The following MBNL2 variants were observed in gnomAD, a reference collection of about 807,000 sequenced individuals.
MBNL2 encodes the protein muscleblind like splicing regulator 2, also known as muscleblind-like protein 2.
A neutral mutation model predicts 41.9 loss-of-function variants in MBNL2; 17 were observed. The ratio of observed to expected loss-of-function variants is 0.41; its 90% CI spans 0.28 to 0.61. The LOEUF (loss-of-function observed/expected upper bound fraction) is 0.61, where lower values mean the gene tolerates loss of function less well. Ranked by LOEUF, MBNL2 falls within the 20% of genes least tolerant of loss-of-function variation. MBNL2 has a pLI of 0.35. For missense variants in MBNL2, 336 were observed against 505.6 expected, an observed-to-expected ratio of 0.66 and a Z score of 3.22; for synonymous variants, 195 against 182.9, an observed-to-expected ratio of 1.07 and a Z score of -0.53.
intron 2 of MBNL2, among the ~76,000 whole-genome samples, chr13:97,287,721 CTTTTTTTTT>C (rs768809008): frequency 8.7e-6 from 1 of 114,938 alleles, no homozygotes; most frequent in Non-Finnish European, 1.7e-5. Flanking sequence ...CTTTTCTTTT[CTTTTTTTTT>C]TTTTTTTTTT....
At chr13:97,179,377 C>T in the MBNL2 span, 1 of 152,198 alleles carries the variant, frequency 6.6e-6, no homozygotes, top group Non-Finnish European at 1.5e-5. Flanking sequence ...TTCATTTCTT[C>T]ACACCTCCTC....
intron 1 of MBNL2, among the ~76,000 whole-genome samples, chr13:97,240,564 T>C (rs78911418): frequency 6.6e-6 from 1 of 152,192 alleles, no homozygotes; most frequent in African/African-American, 2.4e-5. Flanking sequence ...AGCAGGGGCT[T>C]TGACATGACT....
At chr13:97,217,938 G>A (rs1401641643), upstream of MBNL2, among the ~76,000 whole-genome samples, 2 of 152,146 alleles carry the variant, frequency 1.3e-5, no homozygotes, top group Non-Finnish European at 2.9e-5. Flanking sequence ...CAGGGTGTGG[G>A]ACCATTTGGT....
chr13:97,230,256 C>G (rs748801487), intron 1 of MBNL2, among the ~76,000 whole-genome samples: 1 of 152,134 alleles, frequency 6.6e-6, no homozygotes, highest in Non-Finnish European at 1.5e-5. Flanking sequence ...TGAGGTCACG[C>G]CATTGCAGAA....
At chr13:97,241,160 C>G (rs544526300) in intron 1 of MBNL2, among the ~76,000 whole-genome samples, 1 of 152,172 alleles carries the variant, frequency 6.6e-6, no homozygotes, top group Non-Finnish European at 1.5e-5. Context: ...GAACTGAAGT[C>G]CCCTTCCTTC....
chr13:97,276,212 A>G lies in MBNL2; in HGVS notation c.-24A>G. ...TTGATTTCATCATTTAACAGAAACA[A>G]ACAGCCCAAATTACTTTATCACCAT... On this transcript the variant is annotated 5_prime_UTR_variant, in exon 2 of 9. Coordinates refer to ENST00000679496, the MANE Select transcript of MBNL2 (RefSeq NM_001382683.1). The G allele has an allele frequency of 3.8e-6, 6 of 1,597,470 alleles. No homozygotes were observed. Among genetic ancestry groups the G allele is most frequent in the Non-Finnish European group, 5.1e-6 (6 of 1,167,666 alleles).
At chr13:97,199,840 C>G in the MBNL2 span, among the ~76,000 whole-genome samples, 3 of 152,186 alleles carry the variant, frequency 2.0e-5, no homozygotes, top group Non-Finnish European at 2.9e-5. Flanking sequence ...AAGGTTTGAT[C>G]AAGAAGCAGA....
At chr13:97,313,601 T>C (rs2058788580) in intron 2 of MBNL2, among the ~76,000 whole-genome samples, 1 of 152,222 alleles carries the variant, frequency 6.6e-6, no homozygotes, top group Non-Finnish European at 1.5e-5. Context: ...TGGAGGAGCA[T>C]TTTCAGCCTG....
chr13:97,204,456 G>A, the MBNL2 span, among the ~76,000 whole-genome samples: 1 of 152,138 alleles, frequency 6.6e-6, no homozygotes, highest in Non-Finnish European at 1.5e-5. Context: ...GTCATTCTAA[G>A]TACACATAAG....
the MBNL2 span, among the ~76,000 whole-genome samples, chr13:97,161,468 A>G: frequency 6.6e-6 from 1 of 152,202 alleles, no homozygotes. Context: ...TATTCTAGTG[A>G]CTTTTACTGT....
the MBNL2 span, among the ~76,000 whole-genome samples, chr13:97,214,059 C>T: frequency 0.014 from 2,109 of 152,244 alleles, 50 homozygotes; most frequent in African/African-American, 0.046. Flanking sequence ...ACTTCTGAAC[C>T]GTTGAAGAAC....
At chr13:97,228,529 C>CA (rs543983320) in intron 1 of MBNL2, among the ~76,000 whole-genome samples, 3 of 128,120 alleles carry the variant, frequency 2.3e-5, no homozygotes, top group Non-Finnish European at 4.8e-5. Context: ...TATTTATTAT[C>CA]TTTTTTTTTT....
the MBNL2 span, among the ~76,000 whole-genome samples, chr13:97,156,530 T>C: frequency 7.3e-6 from 1 of 136,446 alleles, no homozygotes; most frequent in Non-Finnish European, 1.6e-5. Context: ...TGGTTTTAGG[T>C]CTAACGTTTA....
At chr13:97,218,015 G>A (rs982135936), upstream of MBNL2, among the ~76,000 whole-genome samples, 1 of 152,166 alleles carries the variant, frequency 6.6e-6, no homozygotes, top group Non-Finnish European at 1.5e-5. Flanking sequence ...GGAAACGTAA[G>A]AGAAATGATG....
intron 1 of MBNL2, among the ~76,000 whole-genome samples, chr13:97,232,125 C>T (rs914158080): frequency 9.9e-5 from 15 of 152,142 alleles, no homozygotes; most frequent in Admixed American, 8.5e-4. Flanking sequence ...AGCTGTCTAA[C>T]GAAGTAGCTT....
rs34820289 is a variant in MBNL2, at chr13:97,334,148, C to CCACACACACACACA, written c.175-113_175-100dup. 499 of 547,356 alleles carry CCACACACACACACA rather than the reference C, an allele frequency of 9.1e-4. 1 individual carries two copies. Among genetic ancestry groups the CCACACACACACACA allele is most frequent in the African/African-American group, 1.7e-3 (85 of 49,668 alleles). 33.9% of individuals were successfully genotyped at this position (547,356 alleles called of 1,614,324 possible). A position where few individuals can be genotyped will look rare whatever the true frequency, so the allele number is the denominator to read the frequency against. ...AACACATGAGCATGCGCGCGCACAC[C>CCACACACACACACA]CACACACACACACACACACACACAC... On this transcript the variant is annotated intron_variant, in intron 2 of 8. Transcript: ENST00000679496. The surrounding 1 kb of genome is among the most constrained non-coding windows in gnomAD (Gnocchi z 5.3).
At chr13:97,153,664 A>T in the MBNL2 span, among the ~76,000 whole-genome samples, 1 of 152,216 alleles carries the variant, frequency 6.6e-6, no homozygotes, top group Admixed American at 6.5e-5. Context: ...TGAAGGTCTA[A>T]CTAGTCTCAG....
At chr13:97,344,288 C>T (rs929590400) in intron 4 of MBNL2, among the ~76,000 whole-genome samples, 1 of 152,168 alleles carries the variant, frequency 6.6e-6, no homozygotes, top group Non-Finnish European at 1.5e-5. Context: ...ATGTATCTTA[C>T]TGCTATATCC....
intron 5 of MBNL2, 79 bp downstream of exon 5, chr13:97,347,146 C>A: frequency 9.0e-7 from 1 of 1,108,518 alleles, no homozygotes; most frequent in Non-Finnish European, 1.2e-6. Context: ...GATGTTCTTC[C>A]AAACACTCGG....
Sources: allele counts gnomAD v4.1 joint callset (sites outside exome capture counted in the v4.1 genomes callset), GRCh38; gene constraint gnomAD v4.1.1; non-coding constraint Gnocchi (gnomAD v3.1); transcripts MANE v1.5; gene names NCBI Gene and HGNC (gene_info 2026-07-23, HGNC 2026-07-21).